The following CFAP299 variants were observed in gnomAD, a reference collection of about 807,000 sequenced individuals.
CFAP299 encodes cilia- and flagella-associated protein 299.
In CFAP299, 21 loss-of-function variants were observed where a neutral mutation model predicts 27.0. That is an observed-to-expected ratio of 0.78 (90% CI 0.55 to 1.12). The LOEUF is 1.12. Among genes scored for constraint, CFAP299 ranks in the 50% most tolerant of loss-of-function variants. CFAP299 has a pLI of 0.00. For missense variants in CFAP299, 310 were observed against 276.6 expected (o/e 1.12, Z -0.86); for synonymous variants, 104 against 98.1 (o/e 1.06, Z -0.36).
chr4:80,954,731 G>A (rs888390840), intron 5 of CFAP299, among the ~76,000 whole-genome samples: 3 of 151,984 alleles, frequency 2.0e-5, no homozygotes, highest in African/African-American at 7.3e-5. Flanking sequence ...TGGGCATGGT[G>A]GCTCATGCCT....
chr4:80,948,707 A>G lies in CFAP299; in HGVS notation c.606+3768A>G, dbSNP rs75966393. ...AAATATATATATATTTCTTAGTTAC[A>G]CCAGCTATTCTCACTTCCCATTTCT... On this transcript the variant is annotated intron_variant, in intron 5 of 5. Coordinates refer to ENST00000358105, the MANE Select transcript of CFAP299 (RefSeq NM_152770.3). Among the ~76,000 whole-genome samples, 604 of 152,140 alleles carry G rather than the reference A, an allele frequency of 4.0e-3. 3 individuals carry two copies. Among genetic ancestry groups the G allele is most frequent in the African/African-American group, 0.014 (578 of 41,516 alleles).
chr4:80,382,345 CT>C (rs1342386863), intron 2 of CFAP299, among the ~76,000 whole-genome samples: 3 of 152,136 alleles, frequency 2.0e-5, no homozygotes, highest in Non-Finnish European at 4.4e-5. Context: ...CAAATGAGAC[CT>C]AATTAACTGC....
intron 1 of CFAP299, among the ~76,000 whole-genome samples, chr4:80,338,700 T>G (rs953584653): frequency 1.3e-5 from 2 of 152,242 alleles, no homozygotes; most frequent in African/African-American, 2.4e-5. Flanking sequence ...TTGCCTACAC[T>G]GCTAAGAGTT....
chr4:80,939,241 T>C (rs1198036176), intron 4 of CFAP299, among the ~76,000 whole-genome samples: 1 of 152,214 alleles, frequency 6.6e-6, no homozygotes, highest in Non-Finnish European at 1.5e-5. Flanking sequence ...TTTGTCTCAT[T>C]ATTTCTTTAA....
chr4:80,387,142 G>C, intron 2 of CFAP299: 1 of 1,400,426 alleles, frequency 7.1e-7, no homozygotes, highest in Non-Finnish European at 1.0e-6. Context: ...TGACACACTT[G>C]TAGACGGCAC....
intron 1 of CFAP299, among the ~76,000 whole-genome samples, chr4:80,338,720 A>G (rs561604171): frequency 6.6e-6 from 1 of 152,310 alleles, no homozygotes; most frequent in Non-Finnish European, 1.5e-5. Context: ...TTAAGTAAGA[A>G]TCTATTCTAG....
chr4:80,361,971 T>C (rs1342820916), intron 1 of CFAP299, among the ~76,000 whole-genome samples: 1 of 152,148 alleles, frequency 6.6e-6, no homozygotes, highest in Non-Finnish European at 1.5e-5. Flanking sequence ...TGTTGAATAC[T>C]TTAATCTTTA....
chr4:80,580,734 T>C lies in CFAP299; in HGVS notation c.243-2359T>C, dbSNP rs188484712. Among the ~76,000 whole-genome samples the C allele has an allele frequency of 2.0e-5, 3 of 152,108 alleles. No individual in the cohort carries two copies. In the East Asian group the frequency reaches 5.8e-4, roughly 29 times the overall value. ...GTGTCTGAGCTACTGTTCACAAATA[T>C]TTACTAAAAATTCCTAGACAGGATT... is the stretch of plus-strand genomic sequence containing the variant. On this transcript the variant is annotated intron_variant, in intron 2 of 5. Coordinates refer to ENST00000358105, the MANE Select transcript of CFAP299 (RefSeq NM_152770.3).
intron 2 of CFAP299, among the ~76,000 whole-genome samples, chr4:80,373,513 G>C (rs905524003): frequency 6.6e-6 from 1 of 152,022 alleles, no homozygotes; most frequent in Non-Finnish European, 1.5e-5. Flanking sequence ...CTTTTTTACT[G>C]GAATGGCTGC....
chr4:80,596,429 C>T (rs186375233), intron 3 of CFAP299, among the ~76,000 whole-genome samples: 3 of 152,212 alleles, frequency 2.0e-5, no homozygotes, highest in Admixed American at 2.0e-4. Context: ...AATACTGCTG[C>T]CCCACTGTGA....
At chr4:80,431,814 TA>T (rs2110079018) in intron 2 of CFAP299, among the ~76,000 whole-genome samples, 1 of 152,320 alleles carries the variant, frequency 6.6e-6, no homozygotes, top group East Asian at 1.9e-4. Context: ...TATGTGGCTA[TA>T]AAAATTATTC....
chr4:80,657,928 C>T (rs1396944301), intron 3 of CFAP299, among the ~76,000 whole-genome samples: 1 of 152,030 alleles, frequency 6.6e-6, no homozygotes, highest in Non-Finnish European at 1.5e-5. Context: ...TTGTACTTCT[C>T]CTTGAAGAGG....
chr4:80,387,187 G>A, intron 2 of CFAP299: 8 of 1,353,930 alleles, frequency 5.9e-6, no homozygotes, highest in Non-Finnish European at 8.5e-6. Context: ...GAAGGAGGCT[G>A]TGGGAGTACT....
intron 3 of CFAP299, among the ~76,000 whole-genome samples, chr4:80,770,892 C>G (rs551690690): frequency 7.9e-5 from 12 of 152,232 alleles, no homozygotes; most frequent in Admixed American, 2.0e-4. Flanking sequence ...CATAGATTCT[C>G]CAGCATTTTC....
intron 2 of CFAP299, among the ~76,000 whole-genome samples, chr4:80,528,573 A>G (rs1200949618): frequency 1.3e-5 from 2 of 152,112 alleles, no homozygotes; most frequent in Non-Finnish European, 2.9e-5. Context: ...ATCTGCCCAC[A>G]TTATATTGAA....
At chr4:80,729,066 G>A (rs144060002) in intron 3 of CFAP299, among the ~76,000 whole-genome samples, 9 of 152,206 alleles carry the variant, frequency 5.9e-5, no homozygotes, top group African/African-American at 1.4e-4. Context: ...TGCATCTTGC[G>A]TTTCTACCCT....
chr4:80,787,011 G>A (rs944333963), intron 3 of CFAP299, among the ~76,000 whole-genome samples: 1 of 151,886 alleles, frequency 6.6e-6, no homozygotes, highest in South Asian at 2.1e-4. Context: ...GATATTCAGA[G>A]ATTTGTCCCA....
chr4:80,452,676 T>G (rs1266071050), intron 2 of CFAP299, among the ~76,000 whole-genome samples: 2 of 152,154 alleles, frequency 1.3e-5, no homozygotes, highest in Non-Finnish European at 2.9e-5. Flanking sequence ...TACAGTAAGT[T>G]GGAAAAATAA....
At chr4:80,906,076 C>T (rs1474331335) in intron 4 of CFAP299, among the ~76,000 whole-genome samples, 4 of 152,164 alleles carry the variant, frequency 2.6e-5, no homozygotes, top group Non-Finnish European at 5.9e-5. Context: ...AAATCAAAAG[C>T]AAGTTAGTTA....
Sources: allele counts gnomAD v4.1 joint callset (sites outside exome capture counted in the v4.1 genomes callset), GRCh38; gene constraint gnomAD v4.1.1; transcripts MANE v1.5; gene names NCBI Gene and HGNC (gene_info 2026-07-23, HGNC 2026-07-21).